CERS6: variants seen among roughly 807,000 people sequenced by gnomAD.
CERS6 encodes the protein ceramide synthase 6, also known as LAG1 homolog, ceramide synthase 6.
Under a neutral mutation model 56.8 loss-of-function variants are expected in CERS6, and 26 were observed. The ratio of observed to expected loss-of-function variants is 0.46; its 90% CI spans 0.34 to 0.63. The LOEUF (loss-of-function observed/expected upper bound fraction) is 0.63, where lower values mean the gene tolerates loss of function less well. Ranked by LOEUF, CERS6 falls within the 30% of genes least tolerant of loss-of-function variation. The pLI is 0.01. For missense variants in CERS6, 415 were observed against 467.5 expected (o/e 0.89, Z 1.04); for synonymous variants, 164 against 173.3 (o/e 0.95, Z 0.42).
At chr2:168,565,158 C>T (rs529792168) in intron 3 of CERS6, among the ~76,000 whole-genome samples, 45 of 152,110 alleles carry the variant, frequency 3.0e-4, no homozygotes, top group African/African-American at 9.9e-4. Flanking sequence ...TAGAGAACAC[C>T]GTGAGGGATA....
In CERS6 at chr2:168,772,093, G is replaced by T. The variant is rs1473534111; in HGVS notation, c.*2431G>T. 6.6e-6 allele frequency: 1 copy of T among 152,230 alleles called. No homozygotes were observed. The highest frequency in any genetic ancestry group is 2.4e-5 in the African/African-American group (1 of 41,460). 9.4% of individuals were successfully genotyped at this position (152,230 alleles called of 1,614,324 possible). A position where few individuals can be genotyped will look rare whatever the true frequency, so the allele number is the denominator to read the frequency against. On this transcript the variant is annotated 3_prime_UTR_variant, in exon 10 of 10. Transcript: ENST00000305747. ...TTTCCCATGGTAGCCTGATAAGGCT[G>T]AGAGAGAAAAATATGTGCAGTATCT...
At chr2:168,492,377 T>C (rs2105339540) in intron 1 of CERS6, among the ~76,000 whole-genome samples, 1 of 152,354 alleles carries the variant, frequency 6.6e-6, no homozygotes, top group East Asian at 1.9e-4. Flanking sequence ...CTAGTGATGA[T>C]GAGCTCTTTT....
intron 8 of CERS6, among the ~76,000 whole-genome samples, chr2:168,718,240 G>A (rs1222143690): frequency 3.9e-5 from 6 of 152,180 alleles, no homozygotes; most frequent in African/African-American, 1.4e-4. Context: ...GAAGGCACTA[G>A]TCTAGAATAT....
chr2:168,587,571 T>C (rs1373411826), intron 3 of CERS6, among the ~76,000 whole-genome samples: 4 of 152,234 alleles, frequency 2.6e-5, no homozygotes, highest in Non-Finnish European at 4.4e-5. Context: ...TTTTCTTCTC[T>C]GTTTCCTTTG....
intron 8 of CERS6, among the ~76,000 whole-genome samples, chr2:168,735,879 T>G (rs1359198175): frequency 8.7e-5 from 1 of 11,504 alleles, no homozygotes. Context: ...AGACCCTGTC[T>G]CAAAAAAAAA....
At chr2:168,664,380 G>A (rs1685704916) in intron 4 of CERS6, among the ~76,000 whole-genome samples, 1 of 152,018 alleles carries the variant, frequency 6.6e-6, no homozygotes, top group Non-Finnish European at 1.5e-5. Context: ...GAACTGGGAG[G>A]GTTACAAAAA....
intron 9 of CERS6, among the ~76,000 whole-genome samples, chr2:168,767,850 C>T (rs1010642089): frequency 2.0e-5 from 3 of 152,114 alleles, no homozygotes; most frequent in African/African-American, 7.2e-5. Context: ...CCCCAGCCCA[C>T]CCCCTAGAGA....
At chr2:168,584,379 C>T (rs980080432) in intron 3 of CERS6, among the ~76,000 whole-genome samples, 3 of 152,166 alleles carry the variant, frequency 2.0e-5, no homozygotes, top group Non-Finnish European at 2.9e-5. Context: ...TATCTATCTA[C>T]ATAGAAAAAC....
intron 3 of CERS6, among the ~76,000 whole-genome samples, chr2:168,626,890 C>T (rs894649812): frequency 6.6e-6 from 1 of 152,124 alleles, no homozygotes; most frequent in African/African-American, 2.4e-5. Context: ...GCCAACATTC[C>T]TCCCCTCCTG....
At chr2:168,671,578 A>G (rs1685918570) in intron 4 of CERS6, among the ~76,000 whole-genome samples, 1 of 152,130 alleles carries the variant, frequency 6.6e-6, no homozygotes, top group South Asian at 2.1e-4. Context: ...TCATTATAAA[A>G]CAGTTTGATA....
chr2:168,703,916 A>C (rs1420142691), intron 6 of CERS6, among the ~76,000 whole-genome samples: 1 of 152,176 alleles, frequency 6.6e-6, no homozygotes, highest in Non-Finnish European at 1.5e-5. Flanking sequence ...GAATATAAGC[A>C]GGGAAAAAGA....
At chr2:168,505,645 G>A (rs1170547854) in intron 1 of CERS6, among the ~76,000 whole-genome samples, 2 of 152,104 alleles carry the variant, frequency 1.3e-5, no homozygotes, top group African/African-American at 4.8e-5. Flanking sequence ...ATGGCCCCCA[G>A]TATCTATTAG....
intron 1 of CERS6, among the ~76,000 whole-genome samples, chr2:168,470,128 T>TA (rs1693949762): frequency 1.3e-5 from 2 of 150,026 alleles, no homozygotes; most frequent in African/African-American, 4.9e-5. Context: ...CTCATGCCTG[T>TA]AATCTCAGCA....
chr2:168,662,069 G>A (rs937946869), intron 4 of CERS6, among the ~76,000 whole-genome samples: 3 of 150,842 alleles, frequency 2.0e-5, no homozygotes, highest in African/African-American at 7.3e-5. Flanking sequence ...CTGAGTGTTC[G>A]GTCATAATTA....
At chr2:168,534,785 A>T (rs1695230671) in intron 1 of CERS6, among the ~76,000 whole-genome samples, 1 of 152,164 alleles carries the variant, frequency 6.6e-6, no homozygotes, top group Non-Finnish European at 1.5e-5. Flanking sequence ...CTGTGGGGAA[A>T]CACAGTCATC....
chr2:168,704,622 T>C (rs1686889911), intron 6 of CERS6, among the ~76,000 whole-genome samples: 1 of 152,132 alleles, frequency 6.6e-6, no homozygotes, highest in African/African-American at 2.4e-5. Flanking sequence ...TTTGTTTGTT[T>C]TTTGAGACGA....
At chr2:168,578,533 T>G (rs967136070) in intron 3 of CERS6, among the ~76,000 whole-genome samples, 2 of 152,196 alleles carry the variant, frequency 1.3e-5, no homozygotes, top group African/African-American at 2.4e-5. Context: ...ATGTTTTTAT[T>G]TAATTTAAGC....
chr2:168,486,219 T>C (rs1241565810), intron 1 of CERS6, among the ~76,000 whole-genome samples: 1 of 152,216 alleles, frequency 6.6e-6, no homozygotes, highest in Non-Finnish European at 1.5e-5. Context: ...TATTAAGAGT[T>C]CTTTGCATAT....
chr2:168,466,909 A>G (rs1210609195), intron 1 of CERS6, among the ~76,000 whole-genome samples: 2 of 152,336 alleles, frequency 1.3e-5, no homozygotes, highest in East Asian at 3.9e-4. Context: ...CCTAAGAATA[A>G]CATTTGTTTG....
Sources: gnomAD v4.1 joint callset for allele counts (sites outside exome capture counted in the v4.1 genomes callset) on GRCh38, gnomAD v4.1.1 for gene constraint, MANE v1.5 for transcripts, NCBI Gene and HGNC (gene_info 2026-07-23, HGNC 2026-07-21) for gene names.